PPP1R13L: variants seen among roughly 807,000 people sequenced by gnomAD.
PPP1R13L encodes relA-associated inhibitor.
In PPP1R13L, 50 loss-of-function variants were observed where a neutral mutation model predicts 80.9. The ratio of observed to expected loss-of-function variants is 0.62; its 90% CI spans 0.49 to 0.78. The LOEUF is 0.78. Among genes scored for constraint, PPP1R13L ranks in the 30% least tolerant of loss-of-function variants. PPP1R13L has a pLI of 0.00. For missense variants in PPP1R13L, 1,200 were observed against 1,205.9 expected (o/e 1.00, Z 0.07); for synonymous variants, 602 against 534.3 (o/e 1.13, Z -1.75).
In PPP1R13L at chr19:45,395,623, G is replaced by A. The variant is rs1049846873; in HGVS notation, c.1167C>T (p.Arg389=). 6.8e-7 allele frequency: 1 copy of A among 1,477,314 alleles called. No homozygotes were observed. Among genetic ancestry groups the A allele is most frequent in the Non-Finnish European group, 8.9e-7 (1 of 1,118,516 alleles). 91.5% of individuals were successfully genotyped at this position (1,477,314 alleles called of 1,614,324 possible). A position where few individuals can be genotyped will look rare whatever the true frequency, so the allele number is the denominator to read the frequency against. ...AGAGGGGGGACCCAGGGAGCATGGC[G>A]CGGCTGGCCCCGTGCTCCCAGAAGG... ...QNAFWEHGAS[R]AMLPGSPLFT... The change falls in exon 7 of 13, where the codon CGC becomes CGT. Residue 389 remains arginine (R), a synonymous_variant. Transcript: ENST00000360957.
chr19:45,397,449 C>CTGCT (rs1356387998), intron 3 of PPP1R13L, among the ~76,000 whole-genome samples: 3 of 103,382 alleles, frequency 2.9e-5, no homozygotes, highest in Non-Finnish European at 6.7e-5. Flanking sequence ...CCCTCCCTCC[C>CTGCT]TGCTTGCTTG....
At chr19:45,386,631 C>CTTTTTTTTTT (rs34881055) in intron 8 of PPP1R13L, among the ~76,000 whole-genome samples, 1 of 133,632 alleles carries the variant, frequency 7.5e-6, no homozygotes, top group Non-Finnish European at 1.6e-5. Context: ...TTCTTTTTCT[C>CTTTTTTTTTT]TTTTTTTTTT....
chr19:45,385,981 A>C, intron 9 of PPP1R13L, 24 bp from the exon 10 acceptor site: 1 of 1,599,230 alleles, frequency 6.3e-7, no homozygotes, highest in Non-Finnish European at 8.5e-7. Flanking sequence ...GGGAGGGGGA[A>C]GACTCAGTCC....
chr19:45,403,728 A>T (rs1973273850), intron 1 of PPP1R13L, among the ~76,000 whole-genome samples: 1 of 152,076 alleles, frequency 6.6e-6, no homozygotes, highest in Admixed American at 6.5e-5. Context: ...TATTATTTTT[A>T]ATTTCATTTC....
In PPP1R13L at chr19:45,380,068, G is replaced by T; in HGVS notation, c.*122C>A. On this transcript the variant is annotated 3_prime_UTR_variant, in exon 13 of 13. Transcript: ENST00000360957. ...CTTCCAGGAGAACAGAGAACCGGTG[G>T]CAAGGACCACCACCAGCAGGGTGAG... 9.1e-7 allele frequency: 1 copy of T among 1,097,456 alleles called. No homozygotes were observed. 68.0% of individuals were successfully genotyped at this position (1,097,456 alleles called of 1,614,324 possible).
intron 8 of PPP1R13L, among the ~76,000 whole-genome samples, chr19:45,387,100 C>T (rs1293646601): frequency 6.6e-6 from 1 of 151,804 alleles, no homozygotes; most frequent in African/African-American, 2.4e-5. Context: ...GAGACCCAGT[C>T]TCTACAAAAA....
At chr19:45,398,585 CTTT>C (rs113649282) in intron 1 of PPP1R13L, among the ~76,000 whole-genome samples, 2 of 136,514 alleles carry the variant, frequency 1.5e-5, no homozygotes, top group Non-Finnish European at 1.6e-5. Flanking sequence ...TTTTTCTTTT[CTTT>C]TTTTTTTTTT....
At position 45,396,396 on chromosome 19, in the gene PPP1R13L, G is replaced by C. The variant is rs1201595256; in HGVS notation, c.753C>G (p.Asn251Lys). 5.6e-6 allele frequency: 9 copies of C among 1,614,114 alleles called. No homozygotes were observed. Among genetic ancestry groups the C allele is most frequent in the South Asian group, 1.1e-5 (1 of 91,080 alleles). The change falls in exon 5 of 13, where the codon AAC becomes AAG. Residue 251 changes from asparagine to lysine, a missense_variant. Asn to Lys is a moderately conservative substitution (Grantham distance 94). Coordinates refer to ENST00000360957, the MANE Select transcript of PPP1R13L (RefSeq NM_006663.4). The surrounding 1 kb of genome is among the most constrained non-coding windows in gnomAD (Gnocchi z 5.3). Reference sequence around the variant, plus strand: ...CGTACGCCACGTCCAGGTCAGACTCGTTCCAGGCTTTCGGAGGCCGCCGGC... The same window carrying C: ...CGTACGCCACGTCCAGGTCAGACTCCTTCCAGGCTTTCGGAGGCCGCCGGC... ...TLRRRPPKAW[N>K]ESDLDVAYEK...
At chr19:45,387,632 G>A (rs1195647545) in intron 8 of PPP1R13L, among the ~76,000 whole-genome samples, 2 of 152,130 alleles carry the variant, frequency 1.3e-5, no homozygotes, top group Non-Finnish European at 2.9e-5. Context: ...TCAGCTCACT[G>A]CAAGCTCCGC....
chr19:45,384,688 C>G lies in PPP1R13L; in HGVS notation c.2248+874G>C, dbSNP rs916766608. On this transcript the variant is annotated intron_variant, in intron 11 of 12. Transcript: ENST00000360957. ...GCAACACTGCAAAACCCCTTCTGTACTAAAAATACAAAAAAATGAGTCGGG... is the reference window on the plus strand; with the variant it reads ...GCAACACTGCAAAACCCCTTCTGTAGTAAAAATACAAAAAAATGAGTCGGG... Among the ~76,000 whole-genome samples the G allele has an allele frequency of 2.6e-5, 4 of 151,918 alleles. No individual in the cohort carries two copies. In the East Asian group the frequency reaches 7.7e-4, roughly 29 times the overall value.
intron 3 of PPP1R13L, among the ~76,000 whole-genome samples, chr19:45,397,591 G>A (rs1353348967): frequency 3.3e-5 from 5 of 150,726 alleles, no homozygotes; most frequent in African/African-American, 1.2e-4. Context: ...CCAAGTAGCT[G>A]GGATTACAGG....
At chr19:45,389,551 T>C (rs1432239644) in intron 8 of PPP1R13L, among the ~76,000 whole-genome samples, 1 of 152,154 alleles carries the variant, frequency 6.6e-6, no homozygotes, top group Non-Finnish European at 1.5e-5. Flanking sequence ...GGCTCACACC[T>C]GTAATCCCAG....
Position 45,383,237 on chromosome 19 carries a change from G to A in PPP1R13L, c.2249-511C>T, listed in dbSNP as rs190576323. Among the ~76,000 whole-genome samples the A allele has an allele frequency of 2.6e-3, 382 of 146,870 alleles. 1 individual carries two copies. Among genetic ancestry groups the A allele is most frequent in the African/African-American group, 9.1e-3 (358 of 39,442 alleles). On this transcript the variant is annotated intron_variant, in intron 11 of 12. Transcript: ENST00000360957. ...TCTCGATCTCCTGACCTTGTGATCC[G>A]CCCACATTGGCCTCCCAAAGTGCTG...
intron 7 of PPP1R13L, chr19:45,395,122 G>A: frequency 3.1e-6 from 1 of 319,422 alleles, no homozygotes; most frequent in Non-Finnish European, 5.8e-6. Flanking sequence ...TGGGATTACA[G>A]GCATGAGCCA....
rs1220864256 is a variant in PPP1R13L, at chr19:45,400,921, C to A, written c.-21-2582G>T. Among the ~76,000 whole-genome samples the A allele has an allele frequency of 5.3e-5, 4 of 75,740 alleles. 2 individuals are homozygous for A. Among genetic ancestry groups the A allele is most frequent in the African/African-American group, 2.2e-4 (2 of 9,236 alleles). The allele number at this position is 75,740 out of a possible 152,430, so 49.7% of individuals were successfully genotyped here. On this transcript the variant is annotated intron_variant, in intron 1 of 12. Transcript: ENST00000360957. ...CCTCCCAAGTAGCTGGGACTACAGG[C>A]GCCCGCCACTACGCCCGGCTAATTT...
Position 45,396,169 on chromosome 19 carries a change from T to C in PPP1R13L, c.902A>G (p.Lys301Arg), listed in dbSNP as rs145367370. The change falls in exon 6 of 13, where the codon AAG becomes AGG. Residue 301 changes from lysine to arginine, a missense_variant and splice_region_variant. Transcript: ENST00000360957. The surrounding 1 kb of genome is among the most constrained non-coding windows in gnomAD (Gnocchi z 5.3). ...SSLDGLGGTG[K>R]DNLTSATLPR... ...CCTCCCCAGGCGTCGCCTCCTCACC[T>C]TGCCGGTGCCCCCCAGTCCATCCAG... 209 of 1,606,058 alleles carry C rather than the reference T, an allele frequency of 1.3e-4. 1 individual carries two copies. The highest frequency in any genetic ancestry group is 2.2e-4 in the Admixed American group (13 of 59,184).
At position 45,386,069 on chromosome 19, in the gene PPP1R13L, C is replaced by G. The variant is rs1402861391; in HGVS notation, c.1927G>C (p.Val643Leu). 3 of 1,584,198 alleles carry G rather than the reference C, an allele frequency of 1.9e-6. No homozygotes were observed. The highest frequency in any genetic ancestry group is 1.3e-5 in the African/African-American group (1 of 74,492). The change falls in exon 9 of 13, where the codon GTG becomes CTG. Residue 643 changes from valine to leucine, a missense_variant. By Grantham distance (32) the Val-to-Leu change is conservative. This residue lies in a region of PPP1R13L where 214 missense variants were observed against 199.6 expected (regional missense o/e 1.07). Transcript: ENST00000360957. ...DAALTGELEV[V>L]QQAVKEMNDP... ...CTCACCTCCTTCACCGCCTGCTGCA[C>G]CACCTCCAGCTCCCCGGTCAGCGCC... is the stretch of plus-strand genomic sequence containing the variant.
chr19:45,380,166 C>T lies in PPP1R13L; in HGVS notation c.*24G>A, dbSNP rs750424021. On this transcript the variant is annotated 3_prime_UTR_variant, in exon 13 of 13. Transcript: ENST00000360957. ...AGGCAGGAATGCTTGTTTCTGTCAG[C>T]CTCAGAAACCTCCTTCTATCCTGCT... The T allele has an allele frequency of 2.5e-6, 4 of 1,613,126 alleles. No homozygotes were observed. In the South Asian group the frequency reaches 3.3e-5, roughly 13 times the overall value.
chr19:45,404,448 C>T (rs62109560), intron 1 of PPP1R13L, among the ~76,000 whole-genome samples: 62 of 152,290 alleles, frequency 4.1e-4, no homozygotes, highest in Non-Finnish European at 6.2e-4. Context: ...TCTCCTACCC[C>T]GCCCCCATCC....
Sources: allele counts gnomAD v4.1 joint callset (sites outside exome capture counted in the v4.1 genomes callset), GRCh38; gene constraint gnomAD v4.1.1; regional missense constraint gnomAD v4.1.1; non-coding constraint Gnocchi (gnomAD v3.1); transcripts MANE v1.5; gene names NCBI Gene and HGNC (gene_info 2026-07-23, HGNC 2026-07-21).